The following CAV2 variants were observed in gnomAD, a reference collection of about 807,000 sequenced individuals.
CAV2 encodes the protein caveolin 2.
In CAV2, 7 loss-of-function variants were observed where a neutral mutation model predicts 15.5. The observed-to-expected ratio is 0.45, with a 90% confidence interval of 0.26 to 0.85. The LOEUF (loss-of-function observed/expected upper bound fraction) is 0.85. Among genes scored for constraint, CAV2 ranks in the 40% least tolerant of loss-of-function variants. The pLI is 0.18. For synonymous variants in CAV2, 76 were observed against 83.1 expected (o/e 0.91, Z 0.46); for missense variants, 229 against 208.8 (o/e 1.10, Z -0.60).
intron 1 of CAV2, 152 bp from the exon 2 acceptor site, chr7:116,500,108 A>G: frequency 6.8e-7 from 1 of 1,468,248 alleles, no homozygotes; most frequent in Non-Finnish European, 9.0e-7. Flanking sequence ...AGGAATTCTT[A>G]GCCAGGTTCC....
rs540178665 is a variant in CAV2 at position 116,505,803 on chromosome 7, G to A, written c.339-168G>A. 5.9e-5 allele frequency among the ~76,000 whole-genome samples: 9 copies of A among 152,094 alleles called. No homozygotes were observed. The South Asian group carries it at 6.2e-4, about 11-fold the overall frequency. ...CTACATTTCAAAATGAGAGTCAGGG[G>A]GACAAAAAACCCAAATCATTATCAG... On this transcript the variant is annotated intron_variant, in intron 2 of 2. Transcript: ENST00000222693.
intron 2 of CAV2, among the ~76,000 whole-genome samples, chr7:116,505,370 T>C (rs1453165932): frequency 6.6e-6 from 1 of 152,266 alleles, no homozygotes; most frequent in Non-Finnish European, 1.5e-5. Flanking sequence ...TACATGACTA[T>C]ATTTTTAGGC....
intron 2 of CAV2, among the ~76,000 whole-genome samples, chr7:116,505,507 G>A (rs1380069661): frequency 6.6e-6 from 1 of 152,156 alleles, no homozygotes; most frequent in East Asian, 1.9e-4. Flanking sequence ...TGTACAGGAA[G>A]CACAGTGCCA....
In CAV2 at chr7:116,506,355, C is replaced by A. The variant is rs912693544; in HGVS notation, c.*234C>A. ...ACCAGAATTATACAGTAAGTTGACA[C>A]CACTTAGATTTAAAGGCAGACAGTT... On this transcript the variant is annotated 3_prime_UTR_variant, in exon 3 of 3. Transcript: ENST00000222693. 10 of 441,980 alleles carry A rather than the reference C, an allele frequency of 2.3e-5. No homozygotes were observed. The highest frequency in any genetic ancestry group is 4.0e-5 in the African/African-American group (2 of 50,212). The allele number at this position is 441,980 out of a possible 1,614,324, so 27.4% of individuals were successfully genotyped here. A position where few individuals can be genotyped will look rare whatever the true frequency, so the allele number is the denominator to read the frequency against.
chr7:116,500,278 A>T lies in CAV2; in HGVS notation c.169A>T (p.Ile57Phe), dbSNP rs1280293557. 2 of 1,613,954 alleles carry T rather than the reference A, an allele frequency of 1.2e-6. No homozygotes were observed. Among genetic ancestry groups the T allele is most frequent in the Non-Finnish European group, 1.7e-6 (2 of 1,179,964 alleles). The change falls in exon 2 of 3, where the codon ATC becomes TTC. Residue 57 changes from isoleucine to phenylalanine, a missense_variant. Transcript: ENST00000222693. ...TCCTCAGCTGGGCTTCGAGGATGTG[A>T]TCGCAGAGCCGGTGACTACGCACTC... ...SHLKLGFEDVIAEPVTTHSFD... is the reference protein window; with the variant it reads ...SHLKLGFEDVFAEPVTTHSFD...
Position 116,506,133 on chromosome 7 carries a change from C to G in CAV2, c.*12C>G. 2 of 1,613,782 alleles carry G rather than the reference C, an allele frequency of 1.2e-6. No individual in the cohort carries two copies. The highest frequency in any genetic ancestry group is 1.7e-6 in the Non-Finnish European group (2 of 1,179,786). ...TGAGCCAGGATTGAATACTTGGACCCCAGGTCTGGAGATTGGGATACTGTA... is the reference window on the plus strand; with the variant it reads ...TGAGCCAGGATTGAATACTTGGACCGCAGGTCTGGAGATTGGGATACTGTA... On this transcript the variant is annotated 3_prime_UTR_variant, in exon 3 of 3. Transcript: ENST00000222693.
rs1584752476 is a variant in CAV2 at position 116,499,740 on chromosome 7, A to G, written c.-42A>G. 4 of 1,457,972 alleles carry G rather than the reference A, an allele frequency of 2.7e-6. No homozygotes were observed. The East Asian group carries it at 1.2e-4, about 43-fold the overall frequency. 90.3% of individuals were successfully genotyped at this position (1,457,972 alleles called of 1,614,324 possible). A position where few individuals can be genotyped will look rare whatever the true frequency, so the allele number is the denominator to read the frequency against. Reference sequence around the variant, plus strand: ...GGAGGCCGCGCGGACCGGGAGCCGCACCGCGCCAGCCGGGCTGCAGCGGCC... The same window carrying G: ...GGAGGCCGCGCGGACCGGGAGCCGCGCCGCGCCAGCCGGGCTGCAGCGGCC... On this transcript the variant is annotated 5_prime_UTR_variant, in exon 1 of 3. Transcript: ENST00000222693.
At position 116,500,361 on chromosome 7, in the gene CAV2, G is replaced by A; in HGVS notation, c.252G>A (p.Met84Ile). ...HALFEISKYV[M>I]YKFLTVFLAI... ...TCTTTGAAATCAGCAAATACGTAAT[G>A]TACAAGTTCCTGACGGTGTTCCTGG... Residue 84 changes from methionine (M) to isoleucine (I), a missense_variant, in exon 2 of 3, where the codon ATG becomes ATA. Physicochemically the swap from Met to Ile is conservative, Grantham distance 10. Coordinates refer to ENST00000222693, the MANE Select transcript of CAV2 (RefSeq NM_001233.5). 6.2e-7 allele frequency: 1 copy of A among 1,614,228 alleles called. No homozygotes were observed. The highest frequency in any genetic ancestry group is 8.5e-7 in the Non-Finnish European group (1 of 1,180,036).
chr7:116,505,482 C>T (rs1204670883), intron 2 of CAV2, among the ~76,000 whole-genome samples: 1 of 152,118 alleles, frequency 6.6e-6, no homozygotes, highest in Non-Finnish European at 1.5e-5. Context: ...TATTTTTGCT[C>T]ACAGTTCTGC....
At chr7:116,501,265 T>C (rs568877858) in intron 2 of CAV2, 1 of 152,356 alleles carries the variant, frequency 6.6e-6, no homozygotes, top group East Asian at 1.9e-4. Context: ...ATTTTACCAA[T>C]AAATGTTGTT....
chr7:116,503,683 G>A (rs1258352275), intron 2 of CAV2, among the ~76,000 whole-genome samples: 1 of 151,908 alleles, frequency 6.6e-6, no homozygotes, highest in African/African-American at 2.4e-5. Context: ...ACAAAAATTA[G>A]CCAAGCATAG....
rs1793075037 is a variant in CAV2 at position 116,500,427 on chromosome 7, C to T, written c.318C>T (p.Thr106=). ...TCATTGCGGGAATTCTCTTTGCCAC[C>T]CTCAGCTGTCTGCACATCTGGTGAG... ...LAFIAGILFA[T]LSCLHIWILM... The change falls in exon 2 of 3, where the codon ACC becomes ACT. Residue 106 remains threonine, a synonymous_variant. Transcript: ENST00000222693. 6.2e-7 allele frequency: 1 copy of T among 1,613,620 alleles called. No individual in the cohort carries two copies. The highest frequency in any genetic ancestry group is 8.5e-7 in the Non-Finnish European group (1 of 1,179,772).
intron 1 of CAV2, 99 bp from the exon 2 acceptor site, chr7:116,500,161 G>A: frequency 6.6e-7 from 1 of 1,523,236 alleles, no homozygotes; most frequent in South Asian, 1.3e-5. Flanking sequence ...GGACGCCCTG[G>A]CACGTCCTTC....
At position 116,506,162 on chromosome 7, in the gene CAV2, C is replaced by A. The variant is rs767470181; in HGVS notation, c.*41C>A. On this transcript the variant is annotated 3_prime_UTR_variant, in exon 3 of 3. Transcript: ENST00000222693. ...GTCTGGAGATTGGGATACTGTAATA[C>A]TTCTTTGTTATTATAACATAAAAGC... 6.2e-7 allele frequency: 1 copy of A among 1,600,786 alleles called. No homozygotes were observed. Among genetic ancestry groups the A allele is most frequent in the Admixed American group, 1.7e-5 (1 of 59,790 alleles).
At chr7:116,500,555 G>A in intron 2 of CAV2, 108 bp downstream of exon 2, 2 of 1,076,118 alleles carry the variant, frequency 1.9e-6, no homozygotes, top group East Asian at 4.8e-5. Context: ...GAGGAGGAAC[G>A]CGCATCAGTT....
chr7:116,505,996 T>G lies in CAV2; in HGVS notation c.364T>G (p.Cys122Gly). ...GATTTTAATGCCTTTTGTAAAGACC[T>G]GCCTAATGGTTCTGCCTTCAGTGCA... ...IWILMPFVKT[C>G]LMVLPSVQTI... Residue 122 changes from cysteine to glycine, a missense_variant, in exon 3 of 3, where the codon TGC (cysteine) becomes GGC (glycine). Physicochemically the swap from Cys to Gly is radical, Grantham distance 159. Coordinates refer to ENST00000222693, the MANE Select transcript of CAV2 (RefSeq NM_001233.5). 1 of 1,613,290 alleles carries G rather than the reference T, an allele frequency of 6.2e-7. No individual in the cohort carries two copies. Among genetic ancestry groups the G allele is most frequent in the Non-Finnish European group, 8.5e-7 (1 of 1,179,496 alleles).
rs2116140483 is a variant in CAV2, at chr7:116,506,492, A to G, written c.*371A>G. 1 of 168,996 alleles carries G rather than the reference A, an allele frequency of 5.9e-6. No homozygotes were observed. Among genetic ancestry groups the G allele is most frequent in the African/African-American group, 2.4e-5 (1 of 42,122 alleles). 10.5% of individuals were successfully genotyped at this position (168,996 alleles called of 1,614,324 possible). On this transcript the variant is annotated 3_prime_UTR_variant, in exon 3 of 3. Transcript: ENST00000222693. ...TGCACAACTTCCCATTAAAAATGAG[A>G]TTTCTTATTTGTTTGTCTGTTTTTA...
At position 116,499,776 on chromosome 7, in the gene CAV2, G is replaced by T; in HGVS notation, c.-6G>T. ...CGGGCTGCAGCGGCCGCGCACCAAG[G>T]CTGCGATGGGGCTGGAGACGGAGAA... On this transcript the variant is annotated 5_prime_UTR_variant, in exon 1 of 3. Coordinates refer to ENST00000222693, the MANE Select transcript of CAV2 (RefSeq NM_001233.5). The T allele has an allele frequency of 6.5e-7, 1 of 1,547,588 alleles. No individual in the cohort carries two copies. Among genetic ancestry groups the T allele is most frequent in the Non-Finnish European group, 8.7e-7 (1 of 1,148,908 alleles).
chr7:116,500,745 C>A lies in CAV2; in HGVS notation c.338+298C>A, dbSNP rs1325932988. ...GGGTACCTGGAAGCCACACTTCTTACCACAGGCTGCTCTCGGGGCCCTGTT... is the reference window on the plus strand; with the variant it reads ...GGGTACCTGGAAGCCACACTTCTTAACACAGGCTGCTCTCGGGGCCCTGTT... On this transcript the variant is annotated intron_variant, in intron 2 of 2. Coordinates refer to ENST00000222693, the MANE Select transcript of CAV2 (RefSeq NM_001233.5). 1.1e-5 allele frequency: 4 copies of A among 350,078 alleles called. No homozygotes were observed. In the Admixed American group the frequency reaches 1.8e-4, roughly 16 times the overall value. The allele number at this position is 350,078 out of a possible 1,614,324, so 21.7% of individuals were successfully genotyped here. A position where few individuals can be genotyped will look rare whatever the true frequency, so the allele number is the denominator to read the frequency against.
Sources: gnomAD v4.1 joint callset for allele counts (sites outside exome capture counted in the v4.1 genomes callset) on GRCh38, gnomAD v4.1.1 for gene constraint, MANE v1.5 for transcripts, NCBI Gene and HGNC (gene_info 2026-07-23, HGNC 2026-07-21) for gene names.